DLG2: variants seen among roughly 807,000 people sequenced by gnomAD.
DLG2 encodes the protein discs large MAGUK scaffold protein 2, also known as disks large homolog 2.
DLG2 carries 45 observed loss-of-function variants against 132.5 expected under a neutral mutation model. The ratio of observed to expected loss-of-function variants is 0.34; its 90% CI spans 0.27 to 0.44. The LOEUF is 0.44. Among genes scored for constraint, DLG2 ranks in the 20% least tolerant of loss-of-function variants. The pLI is 1.00. For synonymous variants in DLG2, 424 were observed against 419.6 expected, an observed-to-expected ratio of 1.01 and a Z score of -0.13; for missense variants, 1,045 against 1,196.9, an observed-to-expected ratio of 0.87 and a Z score of 1.87.
At chr11:84,696,455 C>T (rs988709988) in intron 6 of DLG2, among the ~76,000 whole-genome samples, 8 of 151,394 alleles carry the variant, frequency 5.3e-5, no homozygotes, top group Non-Finnish European at 1.2e-4. Context: ...GTTTCTTGAC[C>T]TTGACTTTGC....
intron 5 of DLG2, among the ~76,000 whole-genome samples, chr11:85,149,281 T>A (rs2077066904): frequency 6.6e-6 from 1 of 152,236 alleles, no homozygotes; most frequent in Admixed American, 6.5e-5. Context: ...TCTAATTCTG[T>A]GAAGAATGTC....
chr11:85,604,936 A>G (rs1031133158), intron 2 of DLG2, among the ~76,000 whole-genome samples: 7 of 152,220 alleles, frequency 4.6e-5, no homozygotes, highest in Non-Finnish European at 7.4e-5. Context: ...AAAGAAAATG[A>G]TGATACATAA....
rs191229445 is a variant in DLG2 at position 85,428,937 on chromosome 11, A to G, written c.41-143572T>C. On this transcript the variant is annotated intron_variant, in intron 3 of 27. Coordinates refer to ENST00000376104, the MANE Select transcript of DLG2 (RefSeq NM_001142699.3). ...TTAAATAGACGCAATAAAAAATGAT[A>G]AAGGGGATATCACCACCGATCCCAC... Among the ~76,000 whole-genome samples, 21 of 152,288 alleles carry G rather than the reference A, an allele frequency of 1.4e-4. 1 individual carries two copies. The highest frequency in any genetic ancestry group is 4.1e-4 in the African/African-American group (17 of 41,578).
intron 7 of DLG2, among the ~76,000 whole-genome samples, chr11:84,526,082 T>C (rs1410773232): frequency 6.6e-6 from 1 of 152,194 alleles, no homozygotes; most frequent in Non-Finnish European, 1.5e-5. Flanking sequence ...TCCAAAAGTA[T>C]ATGTGCCCAA....
intron 6 of DLG2, among the ~76,000 whole-genome samples, chr11:84,599,504 A>G (rs2099570862): frequency 6.6e-6 from 1 of 152,158 alleles, no homozygotes; most frequent in Non-Finnish European, 1.5e-5. Context: ...AGACTCATCT[A>G]GGACTTACTC....
At chr11:84,044,971 C>T (rs1000450747) in intron 11 of DLG2, among the ~76,000 whole-genome samples, 1 of 151,684 alleles carries the variant, frequency 6.6e-6, no homozygotes, top group Non-Finnish European at 1.5e-5. Flanking sequence ...AGTTGTGCTC[C>T]ACTGCTTCTT....
At chr11:85,214,689 T>C (rs2082465008) in intron 4 of DLG2, among the ~76,000 whole-genome samples, 1 of 152,190 alleles carries the variant, frequency 6.6e-6, no homozygotes, top group Non-Finnish European at 1.5e-5. Context: ...CTTCAGGTGA[T>C]AAGGCTTAGC....
At chr11:84,662,189 C>CTTTTTT (rs1191006822) in intron 6 of DLG2, among the ~76,000 whole-genome samples, 2 of 120,696 alleles carry the variant, frequency 1.7e-5, no homozygotes, top group Non-Finnish European at 3.5e-5. Context: ...CTTTGTAAAT[C>CTTTTTT]TTTTTTTTTT....
chr11:84,012,923 T>C (rs1010308494), intron 11 of DLG2, among the ~76,000 whole-genome samples: 4 of 152,138 alleles, frequency 2.6e-5, no homozygotes, highest in African/African-American at 9.6e-5. Context: ...TTTTTCTCTA[T>C]ATTAATTAAT....
At chr11:85,627,999 G>A (rs1220979488), upstream of DLG2, 3 of 152,736 alleles carry the variant, frequency 2.0e-5, no homozygotes, top group African/African-American at 7.2e-5. Flanking sequence ...GTCTTCTCGC[G>A]GGGGTAGTGG....
intron 2 of DLG2, among the ~76,000 whole-genome samples, chr11:85,616,625 T>C (rs184107536): frequency 4.1e-4 from 63 of 152,290 alleles, no homozygotes; most frequent in African/African-American, 5.8e-4. Flanking sequence ...AATAAGAGTT[T>C]GTCAGAGATG....
intron 11 of DLG2, among the ~76,000 whole-genome samples, chr11:84,055,584 T>C (rs1483573066): frequency 6.6e-6 from 1 of 152,088 alleles, no homozygotes; most frequent in African/African-American, 2.4e-5. Context: ...TCCTACACTA[T>C]AGCCATCACA....
intron 4 of DLG2, among the ~76,000 whole-genome samples, chr11:85,208,047 G>A (rs1031394323): frequency 1.3e-5 from 2 of 151,958 alleles, no homozygotes; most frequent in East Asian, 3.9e-4. Context: ...CAGCAATGGG[G>A]TACTTACTGT....
chr11:84,373,603 G>C (rs1478896301), intron 7 of DLG2, among the ~76,000 whole-genome samples: 5 of 151,934 alleles, frequency 3.3e-5, no homozygotes, highest in Non-Finnish European at 7.4e-5. Flanking sequence ...ATACCAGTTA[G>C]GGTGCTTGTG....
At chr11:84,275,504 G>A (rs748790847) in intron 7 of DLG2, among the ~76,000 whole-genome samples, 5 of 152,042 alleles carry the variant, frequency 3.3e-5, no homozygotes, top group Non-Finnish European at 7.4e-5. Context: ...ACAGGCACCC[G>A]CCACCATGCC....
At chr11:83,880,743 T>C (rs1935333529) in intron 15 of DLG2, among the ~76,000 whole-genome samples, 1 of 152,178 alleles carries the variant, frequency 6.6e-6, no homozygotes, top group Non-Finnish European at 1.5e-5. Context: ...AATTTGATTT[T>C]GTACAAGATT....
In DLG2 at chr11:83,978,255, G is replaced by T. The variant is rs182305573; in HGVS notation, c.1056+2251C>A. ...TAAGCACATAGCATTTACCATGATG[G>T]TACAATAGCAGTGGATGAAGAAATA... On this transcript the variant is annotated intron_variant, in intron 12 of 27. Coordinates refer to ENST00000376104, the MANE Select transcript of DLG2 (RefSeq NM_001142699.3). Among the ~76,000 whole-genome samples the T allele has an allele frequency of 5.7e-4, 87 of 151,734 alleles. 2 individuals are homozygous for T. Among genetic ancestry groups the T allele is most frequent in the African/African-American group, 2.0e-3 (84 of 41,406 alleles).
intron 3 of DLG2, among the ~76,000 whole-genome samples, chr11:85,475,936 A>T (rs959816573): frequency 2.0e-5 from 3 of 152,162 alleles, no homozygotes; most frequent in Non-Finnish European, 2.9e-5. Flanking sequence ...CTACGAATAG[A>T]CGTAATATCC....
intron 6 of DLG2, among the ~76,000 whole-genome samples, chr11:84,948,122 T>C (rs1458916765): frequency 6.6e-6 from 1 of 152,210 alleles, no homozygotes; most frequent in Non-Finnish European, 1.5e-5. Context: ...TGTCCTCTTT[T>C]CCCCTTGAGG....
Sources: allele counts gnomAD v4.1 joint callset (sites outside exome capture counted in the v4.1 genomes callset), GRCh38; gene constraint gnomAD v4.1.1; transcripts MANE v1.5; gene names NCBI Gene and HGNC (gene_info 2026-07-23, HGNC 2026-07-21).